Variants in KLF8 observed in about 807,000 individuals in gnomAD.
KLF8 encodes the protein KLF transcription factor 8.
A neutral mutation model predicts 18.2 loss-of-function variants in KLF8; 10 were observed. The ratio of observed to expected loss-of-function variants is 0.55; its 90% CI spans 0.34 to 0.93. The LOEUF is 0.93. Among genes scored for constraint, KLF8 ranks in the 40% least tolerant of loss-of-function variants. The probability of loss-of-function intolerance (pLI) is 0.02; values close to 1 mark genes in which losing one functional copy is unlikely to be tolerated. For missense variants in KLF8, 264 were observed against 277.9 expected, an observed-to-expected ratio of 0.95 and a Z score of 0.36; for synonymous variants, 109 against 97.3, an observed-to-expected ratio of 1.12 and a Z score of -0.71.
the KLF8 span, among the ~76,000 whole-genome samples, chrX:55,963,790 G>A: frequency 9.0e-6 from 1 of 111,474 alleles, no homozygotes; most frequent in Non-Finnish European, 1.9e-5. Context: ...GCATTTACAG[G>A]ATACTCCACC....
chrX:55,999,285 A>ATTTTTTTTTTTTTTTTTTTTTTTTT, the KLF8 span, among the ~76,000 whole-genome samples: 25 of 33,554 alleles, frequency 7.5e-4, 5 homozygotes, highest in Non-Finnish European at 9.0e-4. Flanking sequence ...ATGCCTCCAG[A>ATTTTTTTTTTTTTTTTTTTTTTTTT]TTTTTTTTTT....
At chrX:55,951,697 G>A in the KLF8 span, among the ~76,000 whole-genome samples, 2 of 109,032 alleles carry the variant, frequency 1.8e-5, no homozygotes, top group African/African-American at 6.7e-5. Context: ...CTTTGGAGGG[G>A]GTGAGGACTG....
chrX:56,055,759 T>C, the KLF8 span, among the ~76,000 whole-genome samples: 1 of 111,731 alleles, frequency 9.0e-6, no homozygotes, highest in East Asian at 2.8e-4. Context: ...GTTTTGTTGA[T>C]TTTTTTAATT....
chrX:56,081,434 T>C, the KLF8 span, among the ~76,000 whole-genome samples: 2 of 112,008 alleles, frequency 1.8e-5, no homozygotes, highest in Non-Finnish European at 3.8e-5. Flanking sequence ...TACAAAGTAG[T>C]TTCCGTGTTT....
At chrX:56,016,864 CTTA>C in the KLF8 span, among the ~76,000 whole-genome samples, 2 of 111,605 alleles carry the variant, frequency 1.8e-5, no homozygotes, top group Non-Finnish European at 3.8e-5. Flanking sequence ...CTACATTTAC[CTTA>C]TAAGTTTATT....
the KLF8 span, among the ~76,000 whole-genome samples, chrX:56,079,723 G>C: frequency 9.0e-6 from 1 of 110,821 alleles, no homozygotes; most frequent in Non-Finnish European, 1.9e-5. Flanking sequence ...CTGTCTTGTT[G>C]ATCTGTCTAA....
At chrX:56,161,745 C>T in the KLF8 span, among the ~76,000 whole-genome samples, 1 of 111,693 alleles carries the variant, frequency 9.0e-6, no homozygotes, top group African/African-American at 3.3e-5. Context: ...GTAGTTTGAT[C>T]ATCTGAAGCC....
chrX:56,107,747 C>T, the KLF8 span, among the ~76,000 whole-genome samples: 2 of 111,332 alleles, frequency 1.8e-5, no homozygotes, highest in Non-Finnish European at 3.8e-5. Context: ...CAACAAGTCC[C>T]AGTGAGATTA....
the KLF8 span, among the ~76,000 whole-genome samples, chrX:55,954,882 C>G: frequency 1.4e-4 from 16 of 111,263 alleles, no homozygotes; most frequent in African/African-American, 4.9e-4. Flanking sequence ...AAACATTATG[C>G]TAAGTGAAAG....
chrX:56,245,984 A>G (rs1194145077), intron 1 of KLF8, among the ~76,000 whole-genome samples: 1 of 112,199 alleles, frequency 8.9e-6, no homozygotes. Flanking sequence ...AAAGGAGGTT[A>G]TATACCTTCC....
At chrX:55,976,512 T>G in the KLF8 span, among the ~76,000 whole-genome samples, 2 of 110,904 alleles carry the variant, frequency 1.8e-5, no homozygotes, top group Admixed American at 9.7e-5. Flanking sequence ...ACCTCCACTT[T>G]TATCTACGTT....
At chrX:56,266,560 C>A (rs1219852901) in intron 3 of KLF8, 2 of 742,145 alleles carry the variant, frequency 2.7e-6, no homozygotes, top group East Asian at 1.5e-4. Context: ...TATAATCTTC[C>A]ATTTTATTTT....
the KLF8 span, among the ~76,000 whole-genome samples, chrX:56,124,860 T>G: frequency 8.9e-6 from 1 of 112,241 alleles, no homozygotes; most frequent in Admixed American, 9.4e-5. Context: ...ACTCTCTTAA[T>G]GAAGATCAAA....
the KLF8 span, among the ~76,000 whole-genome samples, chrX:55,937,268 T>C: frequency 8.9e-6 from 1 of 112,017 alleles, no homozygotes; most frequent in Non-Finnish European, 1.9e-5. Flanking sequence ...AAACAGGGTC[T>C]GGAGTGGAAC....
At chrX:55,912,861 A>G in the KLF8 span, among the ~76,000 whole-genome samples, 1 of 111,711 alleles carries the variant, frequency 9.0e-6, no homozygotes, top group Non-Finnish European at 1.9e-5. Flanking sequence ...AGTCCTATTA[A>G]GTAGATACTA....
chrX:56,011,287 C>A, the KLF8 span, among the ~76,000 whole-genome samples: 1 of 112,221 alleles, frequency 8.9e-6, no homozygotes, highest in Admixed American at 9.4e-5. Context: ...GACCACAGGA[C>A]AATCAAATTA....
At chrX:56,131,894 G>A in the KLF8 span, among the ~76,000 whole-genome samples, 65 of 111,873 alleles carry the variant, frequency 5.8e-4, no homozygotes, top group South Asian at 0.012. Context: ...GAGACAAAGA[G>A]GGATATTATA....
chrX:56,284,313 G>T lies in KLF8; in HGVS notation c.899G>T (p.Gly300Val). ...HLKAHRRIHTGEKPYKCTWDG... is the reference protein window; with the variant it reads ...HLKAHRRIHTVEKPYKCTWDG... ...TTTTTTTGTCACATTCCCTTTTTAG[G>T]AGAGAAGCCTTATAAATGCACCTGG... The change falls in exon 6 of 6, where the codon GGA becomes GTA. Residue 300 changes from glycine (G) to valine (V), a missense_variant and splice_region_variant. Around this residue, in one of 2 missense-constraint regions of KLF8, gnomAD observed 43 missense variants for 84.3 expected, o/e 0.51. Transcript: ENST00000468660. 1 of 1,134,422 alleles carries T rather than the reference G, an allele frequency of 8.8e-7. No individual in the cohort carries two copies. Among genetic ancestry groups the T allele is most frequent in the Non-Finnish European group, 1.2e-6 (1 of 856,259 alleles). The allele number at this position is 1,134,422 out of a possible 1,213,427, so 93.5% of individuals were successfully genotyped here. A position where few individuals can be genotyped will look rare whatever the true frequency, so the allele number is the denominator to read the frequency against.
chrX:55,946,087 C>T, the KLF8 span, among the ~76,000 whole-genome samples: 9,554 of 111,047 alleles, frequency 0.086, 999 homozygotes, highest in African/African-American at 0.3. Flanking sequence ...TTCAATGCCA[C>T]CCCCATCAAG....
Sources: allele counts gnomAD v4.1 joint callset (sites outside exome capture counted in the v4.1 genomes callset), GRCh38; gene constraint gnomAD v4.1.1; regional missense constraint gnomAD v4.1.1; transcripts MANE v1.5; gene names NCBI Gene and HGNC (gene_info 2026-07-23, HGNC 2026-07-21).